MUC13: variants seen among roughly 807,000 people sequenced by gnomAD.
The protein encoded by MUC13 is mucin 13, cell surface associated.
Under a neutral mutation model 48.3 loss-of-function variants are expected in MUC13, and 32 were observed. The observed-to-expected ratio is 0.66, with a 90% confidence interval of 0.50 to 0.89. The LOEUF is 0.89. MUC13 is among the 40% of genes least tolerant of loss of function. The pLI, the probability that MUC13 is intolerant of heterozygous loss-of-function variation, is 0.00. For synonymous variants in MUC13, 199 were observed against 224.9 expected (o/e 0.88, Z 1.03); for missense variants, 571 against 622.8 (o/e 0.92, Z 0.88).
At chr3:124,923,468 C>T (rs928126797) in intron 3 of MUC13, 59 bp downstream of exon 3, 91 of 1,552,902 alleles carry the variant, frequency 5.9e-5, no homozygotes, top group African/African-American at 2.2e-4. Context: ...TTTGAGTTTT[C>T]GATTCCACTT....
chr3:124,911,290 A>G (rs1000340067), intron 9 of MUC13, among the ~76,000 whole-genome samples: 8 of 152,214 alleles, frequency 5.3e-5, no homozygotes, highest in African/African-American at 7.2e-5. Context: ...TCTTTCTGCT[A>G]TATGGCTTCC....
At position 124,934,189 on chromosome 3, in the gene MUC13, C is replaced by A. The variant is rs544771050; in HGVS notation, c.52+472G>T. 1.8e-4 allele frequency among the ~76,000 whole-genome samples: 28 copies of A among 152,252 alleles called. No individual in the cohort carries two copies. The Middle Eastern group carries it at 0.01, about 55-fold the overall frequency. ...AGACCACTTCTTCCCCCCACCCCTA[C>A]AAGATGGAGTCTCGCTCTGTCACTC... is the stretch of plus-strand genomic sequence containing the variant. On this transcript the variant is annotated intron_variant, in intron 1 of 11. Transcript: ENST00000616727.
chr3:124,923,508 C>G lies in MUC13; in HGVS notation c.637+19G>C, dbSNP rs756764286. 5 of 1,611,196 alleles carry G rather than the reference C, an allele frequency of 3.1e-6. No homozygotes were observed. In the South Asian group the frequency reaches 5.5e-5, roughly 18 times the overall value. On this transcript the variant is annotated intron_variant, in intron 3 of 11. Transcript: ENST00000616727. ...TGTGAGATACAGAGCTCAGCCATGGCTCATCCCTTGTAACTCACCTTTCTT... is the reference window on the plus strand; with the variant it reads ...TGTGAGATACAGAGCTCAGCCATGGGTCATCCCTTGTAACTCACCTTTCTT...
Position 124,913,208 on chromosome 3 carries a change from C to A in MUC13, c.1117G>T (p.Ala373Ser). The change falls in exon 8 of 12, where the codon GCA becomes TCA. Residue 373 changes from alanine (A) to serine (S), a missense_variant. Coordinates refer to ENST00000616727, the MANE Select transcript of MUC13 (RefSeq NM_033049.4). ...SSLKCPDACN[A>S]QHKQCLIKKS... The stretch of plus-strand genomic sequence containing the variant: ...TTTATTAAGCATTGCTTGTGCTGTG[C>A]GTTGCAGGCATCAGGACACTTGAGA... The A allele has an allele frequency of 6.2e-7, 1 of 1,613,828 alleles. No homozygotes were observed. Among genetic ancestry groups the A allele is most frequent in the African/African-American group, 1.3e-5 (1 of 75,002 alleles).
At chr3:124,921,719 AT>A (rs1307575390) in intron 4 of MUC13, among the ~76,000 whole-genome samples, 2 of 152,346 alleles carry the variant, frequency 1.3e-5, no homozygotes, top group African/African-American at 4.8e-5. Context: ...TCTTCTAGAC[AT>A]TTTTTTAAAA....
rs1433392159 is a variant in MUC13 at position 124,908,354 on chromosome 3, A to C, written c.1338-6T>G. On this transcript the variant is annotated splice_region_variant and splice_polypyrimidine_tract_variant and intron_variant, in intron 10 of 11. Transcript: ENST00000616727. The stretch of plus-strand genomic sequence containing the variant: ...GCTTCGTTTTGTTATTTGATCTGTA[A>C]TCAGTAAGAGGAATTAGGATTTGAC... 1.2e-6 allele frequency: 2 copies of C among 1,612,034 alleles called. No homozygotes were observed. The highest frequency in any genetic ancestry group is 4.5e-5 in the East Asian group (2 of 44,884).
At chr3:124,915,426 G>A (rs1259023547) in intron 6 of MUC13, among the ~76,000 whole-genome samples, 1 of 152,148 alleles carries the variant, frequency 6.6e-6, no homozygotes, top group African/African-American at 2.4e-5. Flanking sequence ...CCTTTGGATG[G>A]GTCTGCTGAT....
chr3:124,931,622 C>A (rs538682916), intron 1 of MUC13, among the ~76,000 whole-genome samples: 1 of 151,936 alleles, frequency 6.6e-6, no homozygotes, highest in African/African-American at 2.4e-5. Flanking sequence ...GTGGCAGGCA[C>A]CTATAATCCC....
rs746903851 is a variant in MUC13, at chr3:124,927,945, G to A, written c.101C>T (p.Ala34Val). The change falls in exon 2 of 12, where the codon GCG becomes GTG. Residue 34 changes from alanine (A) to valine (V), a missense_variant. Transcript: ENST00000616727. The part of the protein sequence containing the change: ...SADAVTTTET[A>V]TSGPTVAAAD... ...TGCAGCTACTGTAGGACCACTAGTC[G>A]CAGTTTCTGTGGTTGTTACAGCATC... 2.1e-5 allele frequency: 33 copies of A among 1,584,300 alleles called. No homozygotes were observed. The highest frequency in any genetic ancestry group is 4.8e-5 in the South Asian group (4 of 84,126).
At chr3:124,920,481 T>C (rs1412920863) in intron 4 of MUC13, among the ~76,000 whole-genome samples, 192 bp from the exon 5 acceptor site, 1 of 152,172 alleles carries the variant, frequency 6.6e-6, no homozygotes, top group Non-Finnish European at 1.5e-5. Context: ...TAAGAGGACC[T>C]TGAAGAAAGT....
At chr3:124,930,047 G>C (rs144894349) in intron 1 of MUC13, among the ~76,000 whole-genome samples, 30 of 152,346 alleles carry the variant, frequency 2.0e-4, no homozygotes, top group African/African-American at 7.0e-4. Flanking sequence ...GGACTTGGCA[G>C]ACTGTGGGTG....
At position 124,912,116 on chromosome 3, in the gene MUC13, C is replaced by G. The variant is rs777698206; in HGVS notation, c.1240G>C (p.Asp414His). The G allele has an allele frequency of 6.2e-6, 10 of 1,612,896 alleles. No homozygotes were observed. In the Admixed American group the frequency reaches 1.3e-4, roughly 22 times the overall value. The change falls in exon 9 of 12, where the codon GAC becomes CAC. Residue 414 changes from aspartate (D) to histidine (H), a missense_variant. Coordinates refer to ENST00000616727, the MANE Select transcript of MUC13 (RefSeq NM_033049.4). ...QKCAFGYSGL[D>H]CKDKFQLILT... is the part of the protein sequence containing the mutation. The stretch of plus-strand genomic sequence containing the variant: ...CTTTCATACTCACTGTCCTTACAGT[C>G]GAGTCCACTGTAGCCAAATGCACAC...
intron 4 of MUC13, among the ~76,000 whole-genome samples, 184 bp downstream of exon 4, chr3:124,922,013 G>A (rs779821859): frequency 1.2e-4 from 18 of 152,258 alleles, no homozygotes; most frequent in Non-Finnish European, 2.4e-4. Flanking sequence ...CAATGAAGAA[G>A]TGGTGGCACC....
In MUC13 at chr3:124,927,643, G is replaced by A; in HGVS notation, c.403C>T (p.Pro135Ser). 6.2e-7 allele frequency: 1 copy of A among 1,614,170 alleles called. No individual in the cohort carries two copies. The highest frequency in any genetic ancestry group is 1.3e-5 in the African/African-American group (1 of 75,048). ...TCATTGTTACTTTGTGTTTCAGAAG[G>A]AACCATTGTGATTAATCCATCATTT... is the stretch of plus-strand genomic sequence containing the variant. ...SPNDGLITMV[P>S]SETQSNNEMS... The change falls in exon 2 of 12, where the codon CCT becomes TCT. Residue 135 changes from proline to serine, a missense_variant. Coordinates refer to ENST00000616727, the MANE Select transcript of MUC13 (RefSeq NM_033049.4).
At position 124,923,642 on chromosome 3, in the gene MUC13, G is replaced by A. The variant is rs1372156666; in HGVS notation, c.522C>T (p.Ser174=). The change falls in exon 3 of 12, where the codon AGC becomes AGT. Residue 174 remains serine (S), a synonymous_variant. Coordinates refer to ENST00000616727, the MANE Select transcript of MUC13 (RefSeq NM_033049.4). The part of the protein sequence containing the change: ...ETSTLNSTGP[S]NPCQDDPCAD... ...CACAGGGATCATCTTGGCAAGGATTGCTGGGACCTTAGATGGAGTAGAAAG... is the reference window on the plus strand; with the variant it reads ...CACAGGGATCATCTTGGCAAGGATTACTGGGACCTTAGATGGAGTAGAAAG... The A allele has an allele frequency of 5.0e-6, 8 of 1,613,028 alleles. No individual in the cohort carries two copies. The highest frequency in any genetic ancestry group is 1.3e-5 in the African/African-American group (1 of 74,866).
At chr3:124,922,416 C>T in intron 3 of MUC13, 113 bp from the exon 4 acceptor site, 1 of 1,299,188 alleles carries the variant, frequency 7.7e-7, no homozygotes. Flanking sequence ...AACGACACTA[C>T]AGGAAATCTG....
intron 6 of MUC13, among the ~76,000 whole-genome samples, chr3:124,915,547 C>T (rs1169114011): frequency 1.3e-5 from 2 of 152,180 alleles, no homozygotes. Context: ...GCACACTATC[C>T]ACTTGAGCCC....
intron 8 of MUC13, 92 bp from the exon 9 acceptor site, chr3:124,912,233 C>A: frequency 1.9e-6 from 3 of 1,542,050 alleles, no homozygotes; most frequent in Non-Finnish European, 2.6e-6. Flanking sequence ...TCTTCCTTTC[C>A]ATCTTCCTTT....
chr3:124,920,393 A>C (rs1935574500), intron 4 of MUC13, 104 bp from the exon 5 acceptor site: 2 of 873,378 alleles, frequency 2.3e-6, no homozygotes, highest in Admixed American at 4.8e-5. Flanking sequence ...CTAGCTTTTA[A>C]CAGGATCCAA....
Sources: allele counts gnomAD v4.1 joint callset (sites outside exome capture counted in the v4.1 genomes callset), GRCh38; gene constraint gnomAD v4.1.1; transcripts MANE v1.5; gene names NCBI Gene and HGNC (gene_info 2026-07-23, HGNC 2026-07-21).